SLC17A8: variants seen among roughly 807,000 people sequenced by gnomAD.
SLC17A8 encodes the protein solute carrier family 17 member 8, also known as vesicular glutamate transporter 3.
In SLC17A8, 31 loss-of-function variants were observed where a neutral mutation model predicts 58.0. The ratio of observed to expected loss-of-function variants is 0.53; its 90% confidence interval spans 0.40 to 0.72. The LOEUF (loss-of-function observed/expected upper bound fraction) is 0.72, where lower values mean the gene tolerates loss of function less well. SLC17A8 is among the 30% of genes least tolerant of loss of function. The probability of loss-of-function intolerance (pLI) is 0.00; values close to 1 mark genes in which losing one functional copy is unlikely to be tolerated. For missense variants in SLC17A8, 655 were observed against 727.8 expected, an observed-to-expected ratio of 0.90 and a Z score of 1.15; for synonymous variants, 228 against 249.0, an observed-to-expected ratio of 0.92 and a Z score of 0.79.
intron 1 of SLC17A8, among the ~76,000 whole-genome samples, chr12:100,367,004 T>C (rs547056548): frequency 1.3e-5 from 2 of 152,328 alleles, no homozygotes; most frequent in South Asian, 4.1e-4. Context: ...CAGCAGCTTC[T>C]GAGCATCAGT....
At position 100,367,223 on chromosome 12, in the gene SLC17A8, G is replaced by A. The variant is rs559215107; in HGVS notation, c.101+9731G>A. On this transcript the variant is annotated intron_variant, in intron 1 of 11. Transcript: ENST00000323346. ...CATTTCTCATTTTTAAAGAAAATAA[G>A]TTAAAGAGAGACCTTTTAATTGATC... Among the ~76,000 whole-genome samples the A allele has an allele frequency of 5.9e-5, 9 of 152,240 alleles. No homozygotes were observed. In the South Asian group the frequency reaches 1.9e-3, roughly 32 times the overall value.
chr12:100,398,016 G>C (rs769381137), intron 5 of SLC17A8, among the ~76,000 whole-genome samples: 18 of 151,366 alleles, frequency 1.2e-4, no homozygotes, highest in Non-Finnish European at 2.6e-4. Context: ...GCTTAGGTCT[G>C]TCTGATTTTC....
intron 9 of SLC17A8, chr12:100,410,572 C>G (rs1952860439): frequency 6.6e-6 from 1 of 151,720 alleles, no homozygotes; most frequent in African/African-American, 2.4e-5. Flanking sequence ...TCAGGAGAAC[C>G]ACTTGCACCC....
At chr12:100,397,029 AC>A (rs1952758828) in intron 5 of SLC17A8, among the ~76,000 whole-genome samples, 1 of 152,020 alleles carries the variant, frequency 6.6e-6, no homozygotes, top group South Asian at 2.1e-4. Context: ...CCCCCTACCA[AC>A]CTTCCACTTT....
At chr12:100,392,330 T>A (rs111617266) in intron 3 of SLC17A8, among the ~76,000 whole-genome samples, 3,564 of 152,056 alleles carry the variant, frequency 0.023, 42 homozygotes, top group Non-Finnish European at 0.028. Flanking sequence ...ATAGAAAATA[T>A]CTGAATGCAT....
chr12:100,419,672 A>T lies in SLC17A8; in HGVS notation c.1426-143A>T, dbSNP rs1253477786. 9 of 711,918 alleles carry T rather than the reference A, an allele frequency of 1.3e-5. No homozygotes were observed. The East Asian group carries it at 2.4e-4, about 19-fold the overall frequency. 44.1% of individuals were successfully genotyped at this position (711,918 alleles called of 1,614,324 possible). On this transcript the variant is annotated intron_variant, in intron 11 of 11. Transcript: ENST00000323346. ...GTTTGAATCCCGGATGGTGCTTCTGACACACGTCCTCCCGCCCAAGGAGCC... is the reference window on the plus strand; with the variant it reads ...GTTTGAATCCCGGATGGTGCTTCTGTCACACGTCCTCCCGCCCAAGGAGCC...
At chr12:100,406,408 C>T (rs1035259963) in intron 9 of SLC17A8, among the ~76,000 whole-genome samples, 14 of 152,030 alleles carry the variant, frequency 9.2e-5, no homozygotes, top group Admixed American at 2.0e-4. Context: ...GGCTGAGTGA[C>T]GGGAGACGGG....
intron 4 of SLC17A8, 22 bp downstream of exon 4, chr12:100,393,505 G>A: frequency 6.5e-7 from 1 of 1,546,536 alleles, no homozygotes; most frequent in Non-Finnish European, 8.9e-7. Flanking sequence ...TTTCCTTACA[G>A]TTTTTGATAT....
intron 9 of SLC17A8, among the ~76,000 whole-genome samples, chr12:100,408,260 A>G (rs1487549482): frequency 1.3e-5 from 2 of 152,188 alleles, no homozygotes. Context: ...AGATCACTTA[A>G]GACATGATGT....
In SLC17A8 at chr12:100,357,286, C is replaced by T; in HGVS notation, c.-106C>T. ...TAGTTCCCTCCACGAGAACTGACTT[C>T]CAGGTGTTCACCAAGGGAAACAAGG... On this transcript the variant is annotated 5_prime_UTR_variant, in exon 1 of 12. Transcript: ENST00000323346. The T allele has an allele frequency of 1.3e-6, 1 of 782,934 alleles. No homozygotes were observed. Among genetic ancestry groups the T allele is most frequent in the Non-Finnish European group, 2.3e-6 (1 of 426,832 alleles). The allele number at this position is 782,934 out of a possible 1,614,324, so 48.5% of individuals were successfully genotyped here.
rs1233938987 is a variant in SLC17A8 at position 100,419,744 on chromosome 12, G to A, written c.1426-71G>A. 6 of 1,470,490 alleles carry A rather than the reference G, an allele frequency of 4.1e-6. No individual in the cohort carries two copies. The African/African-American group carries it at 8.3e-5, about 20-fold the overall frequency. The allele number at this position is 1,470,490 out of a possible 1,614,324, so 91.1% of individuals were successfully genotyped here. On this transcript the variant is annotated intron_variant, in intron 11 of 11. Transcript: ENST00000323346. ...TGGGCAGGTGCTTTTTCACAGTGGA[G>A]GCCTCCAGGACATACTGGTAATCTC...
chr12:100,380,501 AACTT>A (rs1952627360), intron 1 of SLC17A8, among the ~76,000 whole-genome samples, 196 bp from the exon 2 acceptor site: 1 of 151,264 alleles, frequency 6.6e-6, no homozygotes, highest in Non-Finnish European at 1.5e-5. Flanking sequence ...TAGCCACTAT[AACTT>A]ACTTTAATAA....
At position 100,420,897 on chromosome 12, in the gene SLC17A8, T is replaced by C. The variant is rs1233541306; in HGVS notation, c.*738T>C. 3.3e-5 allele frequency: 5 copies of C among 152,268 alleles called. No homozygotes were observed. 9.4% of individuals were successfully genotyped at this position (152,268 alleles called of 1,614,324 possible). On this transcript the variant is annotated 3_prime_UTR_variant, in exon 12 of 12. Coordinates refer to ENST00000323346, the MANE Select transcript of SLC17A8 (RefSeq NM_139319.3). ...TGATGAGGCAGAGGGGATTCAAATG[T>C]GTGAGAGGCTAGATTCAAAGACCCT...
At chr12:100,373,808 C>T (rs1409127930) in intron 1 of SLC17A8, among the ~76,000 whole-genome samples, 2 of 151,924 alleles carry the variant, frequency 1.3e-5, no homozygotes, top group Admixed American at 1.3e-4. Context: ...AGGCTGGTCT[C>T]GAACCCCTAA....
At chr12:100,381,036 A>G (rs1350317505) in intron 2 of SLC17A8, 83 bp downstream of exon 2, 2 of 1,549,272 alleles carry the variant, frequency 1.3e-6, no homozygotes, top group Non-Finnish European at 1.8e-6. Flanking sequence ...CAGTGGCACG[A>G]TCTTGGCTTA....
chr12:100,396,131 G>A (rs1952751972), intron 4 of SLC17A8, among the ~76,000 whole-genome samples, 199 bp from the exon 5 acceptor site: 1 of 152,150 alleles, frequency 6.6e-6, no homozygotes, highest in South Asian at 2.1e-4. Flanking sequence ...ACTTCCCAAA[G>A]GTCCATCTCC....
At chr12:100,394,827 G>GTA (rs956962867) in intron 4 of SLC17A8, among the ~76,000 whole-genome samples, 4 of 146,400 alleles carry the variant, frequency 2.7e-5, no homozygotes, top group East Asian at 3.9e-4. Flanking sequence ...TACATATATA[G>GTA]TATATATATA....
chr12:100,361,634 C>T (rs1018226070), intron 1 of SLC17A8, among the ~76,000 whole-genome samples: 7 of 152,074 alleles, frequency 4.6e-5, no homozygotes, highest in Non-Finnish European at 1.0e-4. Context: ...TTAATGAGCT[C>T]TTCCTGAAAA....
At chr12:100,400,079 A>G (rs144836339) in intron 5 of SLC17A8, among the ~76,000 whole-genome samples, 10 of 152,272 alleles carry the variant, frequency 6.6e-5, no homozygotes, top group Admixed American at 2.6e-4. Context: ...TATACTTAGC[A>G]TGGTACTAGG....
Sources: allele counts gnomAD v4.1 joint callset (sites outside exome capture counted in the v4.1 genomes callset), GRCh38; gene constraint gnomAD v4.1.1; transcripts MANE v1.5; gene names NCBI Gene and HGNC (gene_info 2026-07-23, HGNC 2026-07-21).